Variants in TASP1 observed in about 807,000 individuals in gnomAD.
TASP1 encodes the protein taspase 1, also known as threonine aspartase 1.
TASP1 carries 16 observed loss-of-function variants against 56.6 expected under a neutral mutation model. The ratio of observed to expected loss-of-function variants is 0.28; its 90% CI spans 0.19 to 0.43. TASP1 has a LOEUF of 0.43. TASP1 is among the 20% of genes least tolerant of loss of function. The probability of loss-of-function intolerance (pLI) is 1.00; values close to 1 mark genes in which losing one functional copy is unlikely to be tolerated. For synonymous variants in TASP1, 179 were observed against 184.2 expected (o/e 0.97, Z 0.23); for missense variants, 393 against 511.6 (o/e 0.77, Z 2.24).
In TASP1 at chr20:13,435,127, C is replaced by A; in HGVS notation, c.1013G>T (p.Gly338Val). 6.2e-7 allele frequency: 1 copy of A among 1,607,942 alleles called. No homozygotes were observed. The highest frequency in any genetic ancestry group is 1.1e-5 in the South Asian group (1 of 89,712). Residue 338 changes from glycine to valine, a missense_variant, in exon 12 of 14, where the codon GGC becomes GTC. By Grantham distance (109) the Gly-to-Val change is moderately radical. Transcript: ENST00000337743. ...GAGGACAATCACTCCGCCAAGCACG[C>A]CATCTTCACTGGCAAGGAAAGGTGA... ...ISSPFLASED[G>V]VLGGVIVLRS...
chr20:13,294,772 G>A, the TASP1 span, among the ~76,000 whole-genome samples: 2 of 152,202 alleles, frequency 1.3e-5, no homozygotes, highest in African/African-American at 4.8e-5. Flanking sequence ...ACACTCTTGG[G>A]TGCACCCTCT....
intron 11 of TASP1, among the ~76,000 whole-genome samples, chr20:13,467,643 T>C (rs17226642): frequency 0.012 from 1,830 of 152,220 alleles, 17 homozygotes; most frequent in Non-Finnish European, 0.021. Context: ...TTTGGAACAT[T>C]GTACATATTT....
At chr20:13,264,315 T>C in the TASP1 span, among the ~76,000 whole-genome samples, 3 of 152,204 alleles carry the variant, frequency 2.0e-5, no homozygotes, top group African/African-American at 7.2e-5. Flanking sequence ...AATTTGTTAC[T>C]GATTTGTGCC....
chr20:13,105,656 G>A, the TASP1 span, among the ~76,000 whole-genome samples: 1 of 152,068 alleles, frequency 6.6e-6, no homozygotes, highest in African/African-American at 2.4e-5. Context: ...ATTTTAAAAT[G>A]ACTACTAATT....
chr20:13,118,120 G>T, the TASP1 span, among the ~76,000 whole-genome samples: 1 of 152,104 alleles, frequency 6.6e-6, no homozygotes, highest in Non-Finnish European at 1.5e-5. Flanking sequence ...AGCCAGAAGT[G>T]ATAAGGGATG....
chr20:13,327,952 A>G, the TASP1 span, among the ~76,000 whole-genome samples: 1 of 152,234 alleles, frequency 6.6e-6, no homozygotes, highest in African/African-American at 2.4e-5. Context: ...AAAAATTGAC[A>G]AACAGGATCT....
At chr20:13,212,314 G>T in the TASP1 span, among the ~76,000 whole-genome samples, 2 of 152,132 alleles carry the variant, frequency 1.3e-5, no homozygotes, top group African/African-American at 2.4e-5. Context: ...AAGGAAGACT[G>T]CCCTTTGGAT....
the TASP1 span, chr20:13,298,803 T>C: frequency 2.7e-6 from 2 of 751,494 alleles, no homozygotes; most frequent in South Asian, 1.8e-5. Flanking sequence ...AGGACAGGAG[T>C]TGTTGACTTC....
intron 13 of TASP1, among the ~76,000 whole-genome samples, chr20:13,390,821 GTA>G (rs1255998132): frequency 7.9e-5 from 12 of 152,100 alleles, no homozygotes; most frequent in African/African-American, 2.9e-4. Context: ...CTAGTAATTT[GTA>G]TATGTTTTGT....
Position 13,537,861 on chromosome 20 carries a change from T to C in TASP1, c.676-3720A>G, listed in dbSNP as rs187505045. ...AAATTAGAGATGGTTATTATATAGT[T>C]ATTATAAGAATTAAAGTAACAGATG... On this transcript the variant is annotated intron_variant, in intron 8 of 13. Coordinates refer to ENST00000337743, the MANE Select transcript of TASP1 (RefSeq NM_017714.3). Among the ~76,000 whole-genome samples the C allele has an allele frequency of 2.8e-3, 421 of 152,286 alleles. 1 individual carries two copies. The highest frequency in any genetic ancestry group is 4.8e-3 in the Non-Finnish European group (328 of 68,026).
At chr20:13,221,432 C>T in the TASP1 span, among the ~76,000 whole-genome samples, 4 of 146,698 alleles carry the variant, frequency 2.7e-5, no homozygotes, top group East Asian at 2.1e-4. Flanking sequence ...CGGCCCGGCC[C>T]GGGTCCCGGG....
At position 13,390,325 on chromosome 20, in the gene TASP1, A is replaced by G. The variant is rs2041225052; in HGVS notation, c.*35T>C. 1.3e-6 allele frequency: 2 copies of G among 1,589,084 alleles called. No individual in the cohort carries two copies. The highest frequency in any genetic ancestry group is 1.7e-5 in the Admixed American group (1 of 59,178). ...AACCCCCAAAAGCTCAGGTTCTGAA[A>G]TGCCTCTGAGACGCTTCACACTCAG... On this transcript the variant is annotated 3_prime_UTR_variant, in exon 14 of 14. Transcript: ENST00000337743.
chr20:13,510,910 G>C (rs547383700), intron 10 of TASP1, among the ~76,000 whole-genome samples: 1 of 152,210 alleles, frequency 6.6e-6, no homozygotes, highest in African/African-American at 2.4e-5. Flanking sequence ...CAAGTGTCAA[G>C]TTTAGTAGGA....
At chr20:13,625,096 G>C in intron 3 of TASP1, 89 bp downstream of exon 3, 1 of 963,772 alleles carries the variant, frequency 1.0e-6, no homozygotes, top group South Asian at 2.1e-5. Context: ...GACTGTCCTA[G>C]AAATGAAACT....
chr20:13,364,425 G>A, the TASP1 span, among the ~76,000 whole-genome samples: 3 of 152,178 alleles, frequency 2.0e-5, no homozygotes, highest in Admixed American at 2.0e-4. Flanking sequence ...CTTAGGGAAG[G>A]AAGGGTATGG....
the TASP1 span, among the ~76,000 whole-genome samples, chr20:13,369,501 G>A: frequency 6.6e-6 from 1 of 152,128 alleles, no homozygotes; most frequent in South Asian, 2.1e-4. Context: ...AAAAGCCTAG[G>A]TGGGCTTATC....
At chr20:13,542,091 GTCA>G (rs1052990855) in intron 8 of TASP1, among the ~76,000 whole-genome samples, 4 of 151,528 alleles carry the variant, frequency 2.6e-5, no homozygotes, top group East Asian at 1.9e-4. Flanking sequence ...CTTATTGAAT[GTCA>G]TCAGATTGGA....
intron 13 of TASP1, among the ~76,000 whole-genome samples, chr20:13,412,866 G>A (rs2042135810): frequency 6.6e-6 from 1 of 152,122 alleles, no homozygotes; most frequent in African/African-American, 2.4e-5. Flanking sequence ...GGACTTAATG[G>A]GGTCTAGTCA....
the TASP1 span, among the ~76,000 whole-genome samples, chr20:13,261,216 C>T: frequency 6.6e-6 from 1 of 152,070 alleles, no homozygotes; most frequent in East Asian, 1.9e-4. Context: ...GAATTCAAGA[C>T]CAGCCTGGCC....
Sources: gnomAD v4.1 joint callset for allele counts (sites outside exome capture counted in the v4.1 genomes callset) on GRCh38, gnomAD v4.1.1 for gene constraint, MANE v1.5 for transcripts, NCBI Gene and HGNC (gene_info 2026-07-23, HGNC 2026-07-21) for gene names.